The following KCND3 variants were observed in gnomAD, a reference collection of about 807,000 sequenced individuals.
The protein encoded by KCND3 is potassium voltage-gated channel subfamily D member 3, also known as A-type voltage-gated potassium channel KCND3.
A neutral mutation model predicts 51.1 loss-of-function variants in KCND3; 9 were observed. The ratio of observed to expected loss-of-function variants is 0.18; its 90% CI spans 0.11 to 0.31. The LOEUF (loss-of-function observed/expected upper bound fraction) is 0.31, where lower values mean the gene tolerates loss of function less well. Among genes scored for constraint, KCND3 ranks in the 10% least tolerant of loss-of-function variants. KCND3 has a pLI of 1.00. For synonymous variants in KCND3, 349 were observed against 368.0 expected, an observed-to-expected ratio of 0.95 and a Z score of 0.59; for missense variants, 526 against 903.8, an observed-to-expected ratio of 0.58 and a Z score of 5.36.
intron 2 of KCND3, among the ~76,000 whole-genome samples, chr1:111,813,441 T>C (rs1251875079): frequency 6.6e-6 from 1 of 152,232 alleles, no homozygotes; most frequent in Admixed American, 6.5e-5. Flanking sequence ...GGGGCCTGTC[T>C]GGTCTTCTAG....
chr1:111,794,312 A>G (rs1664965472), intron 2 of KCND3, among the ~76,000 whole-genome samples: 1 of 152,236 alleles, frequency 6.6e-6, no homozygotes, highest in Admixed American at 6.5e-5. Flanking sequence ...GCCAAGAGAT[A>G]AGTGCAAGCC....
At chr1:111,941,361 C>T (rs772346435) in intron 2 of KCND3, among the ~76,000 whole-genome samples, 2 of 152,118 alleles carry the variant, frequency 1.3e-5, no homozygotes, top group Non-Finnish European at 2.9e-5. Context: ...AGTCTCTCTG[C>T]AAGCAGCAGG....
chr1:111,875,052 C>T (rs537721158), intron 2 of KCND3, among the ~76,000 whole-genome samples: 9 of 152,150 alleles, frequency 5.9e-5, no homozygotes, highest in Non-Finnish European at 1.3e-4. Context: ...CCCGAGGAGA[C>T]GCTTTGGTTC....
At chr1:111,814,475 C>G (rs1409303109) in intron 2 of KCND3, among the ~76,000 whole-genome samples, 4 of 152,188 alleles carry the variant, frequency 2.6e-5, no homozygotes, top group Non-Finnish European at 5.9e-5. Context: ...TATCCTGAGG[C>G]CTGAACTGTG....
chr1:111,834,262 G>T (rs1557966648), intron 2 of KCND3, among the ~76,000 whole-genome samples: 2 of 152,176 alleles, frequency 1.3e-5, no homozygotes, highest in Non-Finnish European at 2.9e-5. Context: ...TTTCTTGTAA[G>T]GGGGAGATGT....
rs559908825 is a variant in KCND3, at chr1:111,985,724, C to T, written c.-72-2926G>A. On this transcript the variant is annotated intron_variant, in intron 1 of 7. Transcript: ENST00000302127. ...CCTCTGACTCACTCAGTCGAGTTTT[C>T]TAAAGAAGCCAATCTCTGCCTCAGT... 7.0e-4 allele frequency among the ~76,000 whole-genome samples: 107 copies of T among 152,344 alleles called. 1 individual carries two copies. The highest frequency in any genetic ancestry group is 2.4e-3 in the African/African-American group (101 of 41,568).
chr1:111,873,503 G>A (rs968413406), intron 2 of KCND3, among the ~76,000 whole-genome samples: 1 of 152,208 alleles, frequency 6.6e-6, no homozygotes, highest in African/African-American at 2.4e-5. Context: ...ATTGTGGGCA[G>A]AAGTCTAGCT....
At chr1:111,847,625 G>A (rs1294116892) in intron 2 of KCND3, among the ~76,000 whole-genome samples, 1 of 152,174 alleles carries the variant, frequency 6.6e-6, no homozygotes, top group Non-Finnish European at 1.5e-5. Context: ...GCAAGCAGCA[G>A]CAAATTAACA....
In KCND3 at chr1:111,982,813, G is replaced by T; in HGVS notation, c.-72-15C>A. On this transcript the variant is annotated splice_polypyrimidine_tract_variant and intron_variant, in intron 1 of 7. Coordinates refer to ENST00000302127, the MANE Select transcript of KCND3 (RefSeq NM_001378969.1). This position sits in a 1 kb window ranked among gnomAD's most constrained non-coding sequence, Gnocchi z 8.5. ...TTCAGCAAACCCTGGGAGACAGGAGGGGAGAGAGAGAAGCGGTGAGTCCAT... is the reference window on the plus strand; with the variant it reads ...TTCAGCAAACCCTGGGAGACAGGAGTGGAGAGAGAGAAGCGGTGAGTCCAT... 1 of 1,518,826 alleles carries T rather than the reference G, an allele frequency of 6.6e-7. No homozygotes were observed. Among genetic ancestry groups the T allele is most frequent in the Non-Finnish European group, 8.8e-7 (1 of 1,131,764 alleles). 94.1% of individuals were successfully genotyped at this position (1,518,826 alleles called of 1,614,324 possible).
intron 2 of KCND3, among the ~76,000 whole-genome samples, chr1:111,878,251 C>T (rs1466278146): frequency 6.6e-6 from 1 of 152,270 alleles, no homozygotes; most frequent in Non-Finnish European, 1.5e-5. Context: ...CTTCCTGTCT[C>T]TTTGCCGAAT....
In KCND3 at chr1:111,966,826, C is replaced by G. The variant is rs150533901; in HGVS notation, c.1106+14795G>C. ...GTTGGTGATCACTGAATCTCTCTACCAGTGGAATGAACTGCATCAAAAAGG... is the reference window on the plus strand; with the variant it reads ...GTTGGTGATCACTGAATCTCTCTACGAGTGGAATGAACTGCATCAAAAAGG... On this transcript the variant is annotated intron_variant, in intron 2 of 7. Transcript: ENST00000302127. Among the ~76,000 whole-genome samples, 8 of 152,204 alleles carry G rather than the reference C, an allele frequency of 5.3e-5. No individual in the cohort carries two copies. In the East Asian group the frequency reaches 1.5e-3, roughly 29 times the overall value.
intron 2 of KCND3, among the ~76,000 whole-genome samples, chr1:111,822,008 C>A (rs998945810): frequency 4.6e-5 from 7 of 152,014 alleles, no homozygotes. Context: ...AAGGATTGGT[C>A]TCTCCATGCC....
chr1:111,933,905 A>C (rs1672091085), intron 2 of KCND3, among the ~76,000 whole-genome samples: 1 of 152,216 alleles, frequency 6.6e-6, no homozygotes, highest in South Asian at 2.1e-4. Context: ...GACTTTAAAA[A>C]CAATCCCAAC....
At chr1:111,894,187 C>T (rs1182547301) in intron 2 of KCND3, among the ~76,000 whole-genome samples, 2 of 152,184 alleles carry the variant, frequency 1.3e-5, no homozygotes, top group African/African-American at 2.4e-5. Flanking sequence ...GTGCCTCTGC[C>T]TTACCCCACT....
At chr1:111,815,084 C>A (rs1423059000) in intron 2 of KCND3, among the ~76,000 whole-genome samples, 1 of 152,178 alleles carries the variant, frequency 6.6e-6, no homozygotes, top group Non-Finnish European at 1.5e-5. Context: ...GCAGAGGAGG[C>A]CGATGAGGCC....
intron 2 of KCND3, among the ~76,000 whole-genome samples, chr1:111,913,376 T>C (rs1671054631): frequency 6.6e-6 from 1 of 152,196 alleles, no homozygotes; most frequent in South Asian, 2.1e-4. Flanking sequence ...TGATGCACGA[T>C]TGTATACAAA....
chr1:111,805,901 T>C (rs1312659978), intron 2 of KCND3, among the ~76,000 whole-genome samples: 1 of 152,088 alleles, frequency 6.6e-6, no homozygotes, highest in Admixed American at 6.5e-5. Flanking sequence ...AGCTGCTGGG[T>C]TACTTTCTGG....
chr1:111,958,704 G>T (rs1445979663), intron 2 of KCND3, among the ~76,000 whole-genome samples: 7 of 152,174 alleles, frequency 4.6e-5, no homozygotes, highest in African/African-American at 1.7e-4. Flanking sequence ...GGAGCTGGCA[G>T]GCCCCCTCTG....
intron 2 of KCND3, among the ~76,000 whole-genome samples, chr1:111,920,164 A>G (rs993655168): frequency 2.0e-5 from 3 of 152,168 alleles, no homozygotes; most frequent in African/African-American, 7.2e-5. Flanking sequence ...GTTCCTGCCA[A>G]TGTTCCATCT....
Sources: gnomAD v4.1 joint callset for allele counts (sites outside exome capture counted in the v4.1 genomes callset) on GRCh38, gnomAD v4.1.1 for gene constraint, Gnocchi (gnomAD v3.1) non-coding constraint, MANE v1.5 for transcripts, NCBI Gene and HGNC (gene_info 2026-07-23, HGNC 2026-07-21) for gene names.